The following NEGR1 variants were observed in gnomAD, a reference collection of about 807,000 sequenced individuals.
NEGR1 encodes the protein IgLON family member 4.
NEGR1 carries 10 observed loss-of-function variants against 40.9 expected under a neutral mutation model. That is an observed-to-expected ratio of 0.24 (90% confidence interval 0.15 to 0.42). The LOEUF (loss-of-function observed/expected upper bound fraction) is 0.42. NEGR1 is among the 10% of genes least tolerant of loss of function. The pLI, the probability that NEGR1 is intolerant of heterozygous loss-of-function variation, is 1.00. For synonymous variants in NEGR1, 185 were observed against 166.8 expected, an observed-to-expected ratio of 1.11 and a Z score of -0.84; for missense variants, 352 against 438.9, an observed-to-expected ratio of 0.80 and a Z score of 1.77.
intron 2 of NEGR1, among the ~76,000 whole-genome samples, chr1:71,839,473 A>C (rs2101800747): frequency 6.6e-6 from 1 of 151,956 alleles, no homozygotes; most frequent in South Asian, 2.1e-4. Context: ...AGAGTCACAA[A>C]GTGTTGGGAT....
At chr1:72,135,410 A>AC (rs1413109223) in intron 1 of NEGR1, among the ~76,000 whole-genome samples, 7 of 114,480 alleles carry the variant, frequency 6.1e-5, no homozygotes, top group Admixed American at 1.2e-4. Flanking sequence ...AAAACAAAAA[A>AC]AAAAACAAAA....
intron 6 of NEGR1, among the ~76,000 whole-genome samples, chr1:71,418,817 T>A (rs995572007): frequency 1.3e-5 from 2 of 152,180 alleles, no homozygotes; most frequent in African/African-American, 2.4e-5. Flanking sequence ...TTTTTTCATC[T>A]TTCTTTTCCT....
intron 6 of NEGR1, among the ~76,000 whole-genome samples, chr1:71,588,306 G>C (rs767798461): frequency 6.6e-6 from 1 of 152,016 alleles, no homozygotes; most frequent in African/African-American, 2.4e-5. Flanking sequence ...TATTTAATAA[G>C]AATTTTGCTA....
intron 1 of NEGR1, among the ~76,000 whole-genome samples, chr1:72,022,260 CAT>C (rs59160727): frequency 0.079 from 8,690 of 109,722 alleles, 364 homozygotes; most frequent in Non-Finnish European, 0.11. Flanking sequence ...AAACAATTTT[CAT>C]ATATATATAT....
intron 3 of NEGR1, among the ~76,000 whole-genome samples, chr1:71,728,076 G>T (rs548389523): frequency 6.6e-6 from 1 of 152,260 alleles, no homozygotes; most frequent in South Asian, 2.1e-4. Flanking sequence ...CAGCATTTAG[G>T]CTCATGCTTT....
intron 1 of NEGR1, among the ~76,000 whole-genome samples, chr1:71,994,312 A>G (rs1338394683): frequency 6.6e-6 from 1 of 152,076 alleles, no homozygotes; most frequent in Non-Finnish European, 1.5e-5. Context: ...GTGGATCATG[A>G]GGTCAGGCAA....
chr1:71,413,007 A>C (rs1646333144), intron 6 of NEGR1, among the ~76,000 whole-genome samples: 2 of 135,966 alleles, frequency 1.5e-5, no homozygotes, highest in Admixed American at 8.0e-5. Flanking sequence ...TCTAGTCTTT[A>C]AATATGACAT....
chr1:72,243,321 T>C (rs1341956697), intron 1 of NEGR1, among the ~76,000 whole-genome samples: 2 of 151,802 alleles, frequency 1.3e-5, no homozygotes, highest in East Asian at 3.9e-4. Context: ...ATAAATAATC[T>C]TCAATTTCCT....
At chr1:71,676,414 C>T (rs1413952) in intron 4 of NEGR1, among the ~76,000 whole-genome samples, 55,304 of 151,914 alleles carry the variant, frequency 0.36, 11,957 homozygotes, top group Middle Eastern at 0.5. Flanking sequence ...ACCTCAAGCA[C>T]CAGTGCGCTA....
At chr1:72,036,078 T>C (rs146212551) in intron 1 of NEGR1, among the ~76,000 whole-genome samples, 7 of 152,314 alleles carry the variant, frequency 4.6e-5, no homozygotes, top group African/African-American at 1.7e-4. Context: ...ATACCAGAAC[T>C]ATTTGATTCT....
At chr1:72,157,576 G>A (rs1413259514) in intron 1 of NEGR1, among the ~76,000 whole-genome samples, 2 of 152,064 alleles carry the variant, frequency 1.3e-5, no homozygotes, top group Non-Finnish European at 2.9e-5. Context: ...GCTGGTGCAT[G>A]ATTATAAAAG....
chr1:71,515,682 C>G (rs1350540565), intron 6 of NEGR1, among the ~76,000 whole-genome samples: 4 of 129,394 alleles, frequency 3.1e-5, no homozygotes, highest in African/African-American at 1.4e-4. Context: ...AGCAAAATAA[C>G]CAGCTAACAT....
At chr1:71,555,179 C>T (rs1163069705) in intron 6 of NEGR1, among the ~76,000 whole-genome samples, 2 of 151,660 alleles carry the variant, frequency 1.3e-5, no homozygotes, top group South Asian at 2.1e-4. Flanking sequence ...TTAGAAATTG[C>T]CTATATTTTA....
chr1:72,002,531 T>C (rs1380162874), intron 1 of NEGR1, among the ~76,000 whole-genome samples: 1 of 152,098 alleles, frequency 6.6e-6, no homozygotes, highest in African/African-American at 2.4e-5. Context: ...AGTGAAGTGA[T>C]AGATATAACC....
rs565098252 is a variant in NEGR1, at chr1:72,160,711, A to G, written c.176+121608T>C. Among the ~76,000 whole-genome samples, 69 of 152,268 alleles carry G rather than the reference A, an allele frequency of 4.5e-4. 1 individual carries two copies. In the South Asian group the frequency reaches 5.2e-3, roughly 11 times the overall value. ...TGGAAAGATCATCAGTAAGGCTTTT[A>G]TATAAATGGAGCTTTATCAGAATGC... On this transcript the variant is annotated intron_variant, in intron 1 of 6. Transcript: ENST00000357731.
chr1:71,488,667 C>G (rs193000103), intron 6 of NEGR1, among the ~76,000 whole-genome samples: 8 of 151,660 alleles, frequency 5.3e-5, no homozygotes, highest in African/African-American at 1.9e-4. Flanking sequence ...CACCATGTAG[C>G]ATGAACTACC....
At chr1:72,135,626 T>A (rs570873568) in intron 1 of NEGR1, among the ~76,000 whole-genome samples, 1 of 152,108 alleles carries the variant, frequency 6.6e-6, no homozygotes, top group South Asian at 2.1e-4. Flanking sequence ...AAGAAAGAAC[T>A]GTGAGACTGG....
chr1:71,655,835 C>T (rs1293361590), intron 4 of NEGR1, among the ~76,000 whole-genome samples: 1 of 152,098 alleles, frequency 6.6e-6, no homozygotes, highest in African/African-American at 2.4e-5. Context: ...TAGCAGTTGC[C>T]ACAACGGTCT....
At chr1:71,883,845 G>A (rs1308997051) in intron 2 of NEGR1, among the ~76,000 whole-genome samples, 1 of 151,120 alleles carries the variant, frequency 6.6e-6, no homozygotes, top group Non-Finnish European at 1.5e-5. Flanking sequence ...CTGTCTAAAG[G>A]AGCTATTTTC....
Sources: allele counts gnomAD v4.1 joint callset (sites outside exome capture counted in the v4.1 genomes callset), GRCh38; gene constraint gnomAD v4.1.1; transcripts MANE v1.5; gene names NCBI Gene and HGNC (gene_info 2026-07-23, HGNC 2026-07-21).